The following C18orf63 variants were observed in gnomAD, a reference collection of about 807,000 sequenced individuals.
C18orf63 encodes chromosome 18 open reading frame 63.
A neutral mutation model predicts 75.3 loss-of-function variants in C18orf63; 50 were observed. The observed-to-expected ratio is 0.66, with a 90% confidence interval of 0.53 to 0.84. The LOEUF is 0.84. Ranked by LOEUF, C18orf63 falls within the 40% of genes least tolerant of loss-of-function variation. The pLI is 0.00. For missense variants in C18orf63, 732 were observed against 800.2 expected (o/e 0.91, Z 1.03); for synonymous variants, 232 against 267.6 (o/e 0.87, Z 1.30).
chr18:74,320,845 A>T (rs7238541), intron 3 of C18orf63, among the ~76,000 whole-genome samples: 3 of 152,132 alleles, frequency 2.0e-5, no homozygotes, highest in Admixed American at 6.5e-5. Flanking sequence ...AATGAATAAA[A>T]CATGCTACAG....
chr18:74,343,788 C>A, intron 11 of C18orf63, 86 bp downstream of exon 11: 1 of 768,258 alleles, frequency 1.3e-6, no homozygotes, highest in Non-Finnish European at 1.9e-6. Flanking sequence ...GGGTGGAACA[C>A]CCAACGCAGT....
At chr18:74,339,230 G>A (rs1239866563) in intron 8 of C18orf63, among the ~76,000 whole-genome samples, 2 of 152,046 alleles carry the variant, frequency 1.3e-5, no homozygotes, top group Middle Eastern at 6.8e-3. Context: ...GTATAAGCAG[G>A]ACTATTGGGA....
chr18:74,339,802 A>T (rs1984449971), intron 8 of C18orf63, among the ~76,000 whole-genome samples: 2 of 152,244 alleles, frequency 1.3e-5, no homozygotes, highest in South Asian at 4.1e-4. Context: ...AAGTTGCAGA[A>T]TACAAAATCA....
At chr18:74,340,351 A>G (rs1346319539) in intron 8 of C18orf63, among the ~76,000 whole-genome samples, 1 of 152,228 alleles carries the variant, frequency 6.6e-6, no homozygotes, top group Non-Finnish European at 1.5e-5. Flanking sequence ...ACGACAAAAT[A>G]TAACAAATAC....
chr18:74,352,069 A>G (rs1489271050), intron 11 of C18orf63, among the ~76,000 whole-genome samples: 6 of 152,212 alleles, frequency 3.9e-5, no homozygotes, highest in African/African-American at 1.2e-4. Flanking sequence ...CAGTCATTAA[A>G]AGGAATAAAT....
At chr18:74,316,132 C>T (rs17806420) in intron 1 of C18orf63, 23 bp downstream of exon 1, 19,381 of 152,264 alleles carry the variant, frequency 0.13, 1,612 homozygotes, top group Admixed American at 0.17. Context: ...TCCTGATTCT[C>T]TTCCCCACGG....
chr18:74,359,112 T>G lies in C18orf63; in HGVS notation c.*2665T>G, dbSNP rs768235517. The G allele has an allele frequency of 2.0e-5, 3 of 152,198 alleles. No homozygotes were observed. The highest frequency in any genetic ancestry group is 6.5e-5 in the Admixed American group (1 of 15,280). 9.4% of individuals were successfully genotyped at this position (152,198 alleles called of 1,614,324 possible). ...GAATGTCATGGTCCTTATGTTTTGA[T>G]GTTTAAAATGTTCACTTTGTTGTAC... On this transcript the variant is annotated 3_prime_UTR_variant, in exon 14 of 14. Transcript: ENST00000579455.
intron 2 of C18orf63, among the ~76,000 whole-genome samples, chr18:74,318,218 T>C (rs1023099797): frequency 1.3e-5 from 2 of 152,212 alleles, no homozygotes; most frequent in East Asian, 3.8e-4. Context: ...GTTGAGTTTT[T>C]ATATCTGTGA....
intron 7 of C18orf63, among the ~76,000 whole-genome samples, chr18:74,331,187 T>C (rs1984299542): frequency 6.6e-6 from 1 of 152,176 alleles, no homozygotes; most frequent in South Asian, 2.1e-4. Context: ...TCAAAAACTT[T>C]GTTAAGATGG....
At chr18:74,327,444 G>T (rs975639470) in intron 4 of C18orf63, among the ~76,000 whole-genome samples, 6 of 152,186 alleles carry the variant, frequency 3.9e-5, no homozygotes, top group African/African-American at 1.4e-4. Flanking sequence ...TTTTGAGTTT[G>T]TCTGGCAATA....
chr18:74,347,293 A>G (rs1304923352), intron 11 of C18orf63, among the ~76,000 whole-genome samples: 1 of 152,198 alleles, frequency 6.6e-6, no homozygotes, highest in Non-Finnish European at 1.5e-5. Context: ...GGCAGGGAGG[A>G]AGCAAGAGTG....
Position 74,358,127 on chromosome 18 carries a change from A to G in C18orf63, c.*1680A>G, listed in dbSNP as rs11874943. ...TACACTGAGCAAAATAATGAAAACC[A>G]TACATCCACTGCTGAAGTGGTATTA... On this transcript the variant is annotated 3_prime_UTR_variant, in exon 14 of 14. Transcript: ENST00000579455. 79,345 of 151,870 alleles carry G rather than the reference A, an allele frequency of 0.52. 21,256 individuals are homozygous for G. Among genetic ancestry groups the G allele is most frequent in the Middle Eastern group, 0.6 (175 of 294 alleles). 9.4% of individuals were successfully genotyped at this position (151,870 alleles called of 1,614,324 possible). A position where few individuals can be genotyped will look rare whatever the true frequency, so the allele number is the denominator to read the frequency against.
chr18:74,317,883 G>A lies in C18orf63; in HGVS notation c.18G>A (p.Gln6=). The A allele has an allele frequency of 6.5e-7, 1 of 1,533,372 alleles. No homozygotes were observed. The highest frequency in any genetic ancestry group is 8.7e-7 in the Non-Finnish European group (1 of 1,145,748). 95.0% of individuals were successfully genotyped at this position (1,533,372 alleles called of 1,614,324 possible). A position where few individuals can be genotyped will look rare whatever the true frequency, so the allele number is the denominator to read the frequency against. The change falls in exon 2 of 14, where the codon CAG becomes CAA. Residue 6 remains glutamine (Q), a synonymous_variant. Coordinates refer to ENST00000579455, the MANE Select transcript of C18orf63 (RefSeq NM_001174123.2). MNDSR[Q]QSLFFITLPD... is the part of the protein sequence containing the mutation. ...AGGAAAGTATGAATGATTCTAGGCAGCAGTCTCTGTTCTTCATCACACTTC... is the reference window on the plus strand; with the variant it reads ...AGGAAAGTATGAATGATTCTAGGCAACAGTCTCTGTTCTTCATCACACTTC...
chr18:74,344,264 A>C (rs1433065182), intron 11 of C18orf63, among the ~76,000 whole-genome samples: 1 of 152,184 alleles, frequency 6.6e-6, no homozygotes, highest in African/African-American at 2.4e-5. Flanking sequence ...AGAGTTTGTC[A>C]GAACAAAGCT....
Position 74,353,429 on chromosome 18 carries a change from C to T in C18orf63, c.1162C>T (p.Gln388Ter), listed in dbSNP as rs1984703948. ...AGGCATTTTCTCAGCTTTGCATCTCCAGCCAGAGTCTGTTCAGGGTAGAAA... is the reference window on the plus strand; with the variant it reads ...AGGCATTTTCTCAGCTTTGCATCTCTAGCCAGAGTCTGTTCAGGGTAGAAA... ...TSGIFSALHL[Q>*]PESVQGRKKS... is the part of the protein sequence containing the mutation. The change falls in exon 12 of 14, where the codon CAG becomes TAG. Residue 388 changes from glutamine (Q) to a stop codon, truncating the protein, a stop_gained. Transcript: ENST00000579455. LOFTEE classifies it high-confidence loss of function. 1 of 1,536,240 alleles carries T rather than the reference C, an allele frequency of 6.5e-7. No individual in the cohort carries two copies. The highest frequency in any genetic ancestry group is 2.0e-5 in the Admixed American group (1 of 50,968).
At position 74,343,783 on chromosome 18, in the gene C18orf63, G is replaced by C. The variant is rs1984527365; in HGVS notation, c.978+81G>C. 3.5e-6 allele frequency: 3 copies of C among 850,250 alleles called. No homozygotes were observed. The Admixed American group carries it at 1.1e-4, about 30-fold the overall frequency. The allele number at this position is 850,250 out of a possible 1,614,324, so 52.7% of individuals were successfully genotyped here. The stretch of plus-strand genomic sequence containing the variant: ...CTTGAATCTCTTGTCTTCTGGGGTG[G>C]AACACCCAACGCAGTGTGCAGTAAT... On this transcript the variant is annotated intron_variant, in intron 11 of 13. Coordinates refer to ENST00000579455, the MANE Select transcript of C18orf63 (RefSeq NM_001174123.2).
At chr18:74,338,000 G>C (rs1984419861) in intron 7 of C18orf63, among the ~76,000 whole-genome samples, 1 of 152,152 alleles carries the variant, frequency 6.6e-6, no homozygotes, top group Non-Finnish European at 1.5e-5. Context: ...GGTTGGTTAA[G>C]AATGGGGTAA....
chr18:74,346,548 C>T (rs1470744921), intron 11 of C18orf63, among the ~76,000 whole-genome samples: 4 of 152,130 alleles, frequency 2.6e-5, no homozygotes, highest in African/African-American at 4.8e-5. Context: ...ATCTTTAAAA[C>T]AGTATTAAAG....
At chr18:74,352,178 G>A (rs1056071251) in intron 11 of C18orf63, among the ~76,000 whole-genome samples, 9 of 152,190 alleles carry the variant, frequency 5.9e-5, no homozygotes, top group Admixed American at 5.2e-4. Context: ...CCACTTACAT[G>A]TGGTACCTAG....
Sources: allele counts gnomAD v4.1 joint callset (sites outside exome capture counted in the v4.1 genomes callset), GRCh38; gene constraint gnomAD v4.1.1; transcripts MANE v1.5; gene names NCBI Gene and HGNC (gene_info 2026-07-23, HGNC 2026-07-21).